MAML3: variants seen among roughly 807,000 people sequenced by gnomAD.
MAML3 encodes mastermind like transcriptional coactivator 3, also known as mastermind-like protein 3.
MAML3 carries 27 observed loss-of-function variants against 101.9 expected under a neutral mutation model. The ratio of observed to expected loss-of-function variants is 0.27; its 90% CI spans 0.20 to 0.37. The LOEUF (loss-of-function observed/expected upper bound fraction) is 0.37. Ranked by LOEUF, MAML3 falls within the 10% of genes least tolerant of loss-of-function variation. MAML3 has a pLI of 1.00. For synonymous variants in MAML3, 501 were observed against 555.9 expected, an observed-to-expected ratio of 0.90 and a Z score of 1.39; for missense variants, 1,316 against 1,444.9, an observed-to-expected ratio of 0.91 and a Z score of 1.45.
At chr4:140,101,631 T>G (rs1264677379) in intron 1 of MAML3, among the ~76,000 whole-genome samples, 2 of 152,168 alleles carry the variant, frequency 1.3e-5, no homozygotes, top group Non-Finnish European at 2.9e-5. Context: ...GTGTCTTCAT[T>G]TGCCTAGCTA....
chr4:139,906,324 T>C (rs1732821419), intron 1 of MAML3, among the ~76,000 whole-genome samples: 1 of 152,176 alleles, frequency 6.6e-6, no homozygotes, highest in Non-Finnish European at 1.5e-5. Context: ...TCCTTAACTA[T>C]TAGCAAAGAA....
rs1256981390 is a variant in MAML3, at chr4:139,717,392, T to TTCATC, written c.*1926_*1930dup. ...ATTTGTTTGTTTGCTTTTTTTTGGTTTCATCTCTTTGATCCACTCAGTTTC... is the reference window on the plus strand; with the variant it reads ...ATTTGTTTGTTTGCTTTTTTTTGGTTTCATCTCATCTCTTTGATCCACTCAGTTTC... On this transcript the variant is annotated 3_prime_UTR_variant, in exon 5 of 5. Coordinates refer to ENST00000509479, the MANE Select transcript of MAML3 (RefSeq NM_018717.5). 1 of 152,432 alleles carries TTCATC rather than the reference T, an allele frequency of 6.6e-6. No homozygotes were observed. Among genetic ancestry groups the TTCATC allele is most frequent in the Non-Finnish European group, 1.5e-5 (1 of 68,066 alleles). 9.4% of individuals were successfully genotyped at this position (152,432 alleles called of 1,614,324 possible). A position where few individuals can be genotyped will look rare whatever the true frequency, so the allele number is the denominator to read the frequency against.
At chr4:140,090,770 G>T (rs1025721754) in intron 1 of MAML3, among the ~76,000 whole-genome samples, 1 of 152,170 alleles carries the variant, frequency 6.6e-6, no homozygotes, top group African/African-American at 2.4e-5. Flanking sequence ...AATTGGACAG[G>T]CCAGGCATGG....
intron 1 of MAML3, among the ~76,000 whole-genome samples, chr4:140,092,088 G>GTATATATATACGTATA (rs1728064899): frequency 1.3e-5 from 1 of 76,086 alleles, no homozygotes; most frequent in Non-Finnish European, 3.0e-5. Flanking sequence ...ATATATATAC[G>GTATATATATACGTATA]TATATATATA....
chr4:139,808,248 T>C (rs1031296206), intron 2 of MAML3, among the ~76,000 whole-genome samples: 5 of 152,266 alleles, frequency 3.3e-5, no homozygotes, highest in East Asian at 1.9e-4. Flanking sequence ...CATCCATCCA[T>C]TCATTCTTCA....
intron 2 of MAML3, among the ~76,000 whole-genome samples, chr4:139,835,449 C>G (rs1731241704): frequency 6.6e-6 from 1 of 152,224 alleles, no homozygotes; most frequent in African/African-American, 2.4e-5. Flanking sequence ...TCCTTCCAGA[C>G]TCTGAACCTA....
intron 2 of MAML3, among the ~76,000 whole-genome samples, chr4:139,768,680 G>A (rs1019961566): frequency 1.3e-5 from 2 of 152,236 alleles, no homozygotes; most frequent in South Asian, 4.1e-4. Context: ...CTACGCTGAT[G>A]TTGAGAAGGT....
chr4:139,737,923 T>TA (rs1043338932), intron 2 of MAML3, among the ~76,000 whole-genome samples: 23 of 152,332 alleles, frequency 1.5e-4, no homozygotes, highest in African/African-American at 5.5e-4. Flanking sequence ...GTCCCCAAGA[T>TA]GATTGAGTTT....
chr4:140,102,000 TG>T (rs1303739687), intron 1 of MAML3, among the ~76,000 whole-genome samples: 4 of 152,194 alleles, frequency 2.6e-5, no homozygotes, highest in Admixed American at 2.0e-4. Flanking sequence ...GCCATAAGTT[TG>T]TGTCTTCTAA....
chr4:139,996,322 C>A (rs1371951301), intron 1 of MAML3, among the ~76,000 whole-genome samples: 1 of 152,154 alleles, frequency 6.6e-6, no homozygotes, highest in Non-Finnish European at 1.5e-5. Context: ...GAAAGCCCTG[C>A]TTTCTAGTTA....
chr4:140,073,376 G>A (rs973942571), intron 1 of MAML3, among the ~76,000 whole-genome samples: 10 of 152,080 alleles, frequency 6.6e-5, no homozygotes, highest in Non-Finnish European at 1.3e-4. Flanking sequence ...GACCTCAAGT[G>A]ATCCACCCAC....
intron 1 of MAML3, among the ~76,000 whole-genome samples, chr4:140,040,138 G>A (rs2110906139): frequency 6.6e-6 from 1 of 152,238 alleles, no homozygotes; most frequent in South Asian, 2.1e-4. Context: ...CTTATATCTG[G>A]TCTCAGAGAC....
intron 1 of MAML3, among the ~76,000 whole-genome samples, chr4:140,124,644 G>A (rs1728658164): frequency 6.6e-6 from 1 of 152,188 alleles, no homozygotes; most frequent in African/African-American, 2.4e-5. Context: ...TTAAAAAGCA[G>A]GAACAGCTAG....
intron 1 of MAML3, among the ~76,000 whole-genome samples, chr4:140,048,589 G>A (rs979995904): frequency 6.6e-6 from 1 of 152,144 alleles, no homozygotes; most frequent in African/African-American, 2.4e-5. Context: ...AGGTAACTTG[G>A]GTCTGATGTT....
Position 140,150,275 on chromosome 4 carries a change from T to G in MAML3, c.468+2585A>C, listed in dbSNP as rs144518185. 3.4e-3 allele frequency among the ~76,000 whole-genome samples: 516 copies of G among 152,346 alleles called. 5 individuals carry two copies. Among genetic ancestry groups the G allele is most frequent in the Middle Eastern group, 0.017 (5 of 294 alleles). On this transcript the variant is annotated intron_variant, in intron 1 of 4. Transcript: ENST00000509479. ...TTGAAGCAAGCATTATCTTTCTATT[T>G]TCAAAAGTAAGCTGTGGCTTGGGCT... is the stretch of plus-strand genomic sequence containing the variant.
At chr4:139,851,498 G>A (rs1731549380) in intron 2 of MAML3, among the ~76,000 whole-genome samples, 1 of 152,236 alleles carries the variant, frequency 6.6e-6, no homozygotes, top group Non-Finnish European at 1.5e-5. Context: ...GTCTTAGAAT[G>A]TAGAATGTCT....
chr4:139,807,780 T>C (rs775291894), intron 2 of MAML3, among the ~76,000 whole-genome samples: 29 of 152,220 alleles, frequency 1.9e-4, no homozygotes, highest in Non-Finnish European at 2.9e-5. Context: ...GAAGGTTGAC[T>C]TTATTATTAG....
At chr4:140,132,084 G>A (rs1200063156) in intron 1 of MAML3, among the ~76,000 whole-genome samples, 3 of 152,252 alleles carry the variant, frequency 2.0e-5, no homozygotes, top group Non-Finnish European at 4.4e-5. Flanking sequence ...CTACACCCAT[G>A]CAATCACTGT....
intron 2 of MAML3, among the ~76,000 whole-genome samples, chr4:139,888,251 TC>T (rs1578648150): frequency 6.6e-6 from 1 of 152,204 alleles, no homozygotes; most frequent in Non-Finnish European, 1.5e-5. Context: ...CTGCGTTATT[TC>T]CCAGTGCTTC....
Sources: allele counts gnomAD v4.1 joint callset (sites outside exome capture counted in the v4.1 genomes callset), GRCh38; gene constraint gnomAD v4.1.1; transcripts MANE v1.5; gene names NCBI Gene and HGNC (gene_info 2026-07-23, HGNC 2026-07-21).